The following UNC13D variants were observed in gnomAD, a reference collection of about 807,000 sequenced individuals.
The protein encoded by UNC13D is unc-13 homolog D, also known as protein unc-13 homolog D.
A neutral mutation model predicts 151.7 loss-of-function variants in UNC13D; 115 were observed. That is an observed-to-expected ratio of 0.76 (90% confidence interval 0.65 to 0.88). The LOEUF (loss-of-function observed/expected upper bound fraction) is 0.88. Among genes scored for constraint, UNC13D ranks in the 40% least tolerant of loss-of-function variants. The probability of loss-of-function intolerance (pLI) is 0.00; values close to 1 mark genes in which losing one functional copy is unlikely to be tolerated. For missense variants in UNC13D, 1,369 were observed against 1,438.7 expected, an observed-to-expected ratio of 0.95 and a Z score of 0.78; for synonymous variants, 588 against 612.2, an observed-to-expected ratio of 0.96 and a Z score of 0.58.
Position 75,844,361 on chromosome 17 carries a change from G to C in UNC13D, c.-24C>G, listed in dbSNP as rs958134924. 1.9e-6 allele frequency: 3 copies of C among 1,593,560 alleles called. No individual in the cohort carries two copies. The African/African-American group carries it at 4.0e-5, about 21-fold the overall frequency. On this transcript the variant is annotated 5_prime_UTR_variant, in exon 1 of 32. Transcript: ENST00000207549. Reference sequence around the variant, plus strand: ...ATGGTGGCCTTCTCTGCCCTTCCCTGTCCGCTGGTGCTGGGTGAAGACAGC... The same window carrying C: ...ATGGTGGCCTTCTCTGCCCTTCCCTCTCCGCTGGTGCTGGGTGAAGACAGC...
chr17:75,828,702 G>A (rs1439847145), intron 31 of UNC13D, 85 bp downstream of exon 31: 10 of 1,374,252 alleles, frequency 7.3e-6, no homozygotes, highest in African/African-American at 1.5e-5. Context: ...GCTGTTCTCC[G>A]ACCCTGGCAT....
chr17:75,841,022 G>A (rs2064944851), intron 6 of UNC13D, 21 bp from the exon 7 acceptor site: 5 of 1,613,994 alleles, frequency 3.1e-6, no homozygotes, highest in Non-Finnish European at 3.4e-6. Flanking sequence ...AAAAGGGCGT[G>A]GTTGAGGGCC....
Position 75,831,146 on chromosome 17 carries a change from A to G in UNC13D, c.2577T>C (p.Ala859=). 6.2e-7 allele frequency: 1 copy of G among 1,614,054 alleles called. No homozygotes were observed. Among genetic ancestry groups the G allele is most frequent in the Non-Finnish European group, 8.5e-7 (1 of 1,180,034 alleles). The stretch of plus-strand genomic sequence containing the variant: ...CCTTGGGTGGCAGGCCACAGCCCTC[A>G]GCGTGGAAGCAGATCTCCAGGTTCT... The part of the protein sequence containing the change: ...ALQNLEICFH[A]EGCGLPPKAL... Residue 859 remains alanine, a synonymous_variant, in exon 27 of 32, where the codon GCT becomes GCC. Coordinates refer to ENST00000207549, the MANE Select transcript of UNC13D (RefSeq NM_199242.3).
rs745420063 is a variant in UNC13D at position 75,840,618 on chromosome 17, C to A, written c.684-42G>T. On this transcript the variant is annotated intron_variant, in intron 8 of 31. Transcript: ENST00000207549. The surrounding 1 kb of genome is among the most constrained non-coding windows in gnomAD (Gnocchi z 4.6). ...CCCATAAGGGGGACGCAGCAAGGGTCGGAAGGGATTAGGCTGGAATCCACC... is the reference window on the plus strand; with the variant it reads ...CCCATAAGGGGGACGCAGCAAGGGTAGGAAGGGATTAGGCTGGAATCCACC... The A allele has an allele frequency of 2.5e-6, 4 of 1,613,574 alleles. No individual in the cohort carries two copies. Among genetic ancestry groups the A allele is most frequent in the Admixed American group, 1.7e-5 (1 of 60,010 alleles).
Position 75,831,023 on chromosome 17 carries a change from G to A in UNC13D, c.2625+75C>T, listed in dbSNP as rs991100899. 2.2e-5 allele frequency: 34 copies of A among 1,551,080 alleles called. No homozygotes were observed. The Middle Eastern group carries it at 1.2e-3, about 56-fold the overall frequency. On this transcript the variant is annotated intron_variant, in intron 27 of 31. Coordinates refer to ENST00000207549, the MANE Select transcript of UNC13D (RefSeq NM_199242.3). Reference sequence around the variant, plus strand: ...ACTGGGCCCCATAAATTATGTAGCCGACCCTGGACATAGGTGAGTGCCAAA... The same window carrying A: ...ACTGGGCCCCATAAATTATGTAGCCAACCCTGGACATAGGTGAGTGCCAAA...
In UNC13D at chr17:75,842,887, C is replaced by T; in HGVS notation, c.358G>A (p.Ala120Thr). 2 of 1,613,656 alleles carry T rather than the reference C, an allele frequency of 1.2e-6. No individual in the cohort carries two copies. The highest frequency in any genetic ancestry group is 8.5e-7 in the Non-Finnish European group (1 of 1,179,994). Residue 120 changes from alanine to threonine, a missense_variant, in exon 5 of 32, where the codon GCC (alanine) becomes ACC (threonine). Physicochemically the swap from Ala to Thr is moderately conservative, Grantham distance 58. This residue lies in a region of UNC13D where 550 missense variants were observed against 609.0 expected (regional missense o/e 0.90). Transcript: ENST00000207549. ...ACATCTTTGCCCAGAATGCCCTTGG[C>T]CTGTTTCACTGTTGCCTTCAGACAA... ...IFCLKATVKQ[A>T]KGILGKDVSG...
At chr17:75,831,377 C>T in intron 25 of UNC13D, 29 bp from the exon 26 acceptor site, 1 of 1,593,696 alleles carries the variant, frequency 6.3e-7, no homozygotes, top group South Asian at 1.1e-5. Context: ...GATGCGGACA[C>T]AGCACGGCAG....
intron 1 of UNC13D, chr17:75,843,757 C>T: frequency 3.5e-6 from 5 of 1,420,656 alleles, no homozygotes; most frequent in Non-Finnish European, 4.6e-6. Context: ...CGCACCCGCA[C>T]CCCACCTCCC....
Position 75,842,447 on chromosome 17 carries a change from G to A in UNC13D, c.555C>T (p.Asp185=), listed in dbSNP as rs756118878. The change falls in exon 6 of 32, where the codon GAC becomes GAT. Residue 185 remains aspartate, a synonymous_variant. Coordinates refer to ENST00000207549, the MANE Select transcript of UNC13D (RefSeq NM_199242.3). ...CGGCCACGTACAGGATGAAGGTCTCGTCCCAGACGGGGTTGAGTGTCTGGG... is the reference window on the plus strand; with the variant it reads ...CGGCCACGTACAGGATGAAGGTCTCATCCCAGACGGGGTTGAGTGTCTGGG... ...VITQTLNPVW[D]ETFILEFEDI... 2.8e-5 allele frequency: 45 copies of A among 1,612,484 alleles called. No individual in the cohort carries two copies. Among genetic ancestry groups the A allele is most frequent in the East Asian group, 6.7e-5 (3 of 44,864 alleles).
In UNC13D at chr17:75,830,366, G is replaced by T; in HGVS notation, c.2826C>A (p.Ser942=). The change falls in exon 29 of 32, where the codon TCC becomes TCA. Residue 942 remains serine (S), a synonymous_variant. Transcript: ENST00000207549. The part of the protein sequence containing the change: ...LSASSLLPLD[S]NGSSDPFVQL... ...CCAAAGGCAGCCTCCACTCACCATT[G>T]GAGTCCAGGGGCAGCAGGCTGGAGG... 2 of 1,592,976 alleles carry T rather than the reference G, an allele frequency of 1.3e-6. No homozygotes were observed. The highest frequency in any genetic ancestry group is 2.3e-5 in the South Asian group (2 of 87,732).
At chr17:75,839,779 G>A in intron 12 of UNC13D, 60 bp downstream of exon 12, 1 of 1,553,140 alleles carries the variant, frequency 6.4e-7, no homozygotes, top group Admixed American at 1.7e-5. Context: ...CGGCTTGGAG[G>A]AGGGCAGGGG....
chr17:75,827,322 C>T lies in UNC13D; in HGVS notation c.*643G>A. The T allele has an allele frequency of 3.5e-6, 3 of 863,862 alleles. No homozygotes were observed. Among genetic ancestry groups the T allele is most frequent in the Non-Finnish European group, 4.9e-6 (3 of 615,812 alleles). 53.5% of individuals were successfully genotyped at this position (863,862 alleles called of 1,614,324 possible). ...GGGGAGGGGGCGTGCGCAGCAGACA[C>T]AGCAGCCAAACTGTCCTTTCTGCTT... On this transcript the variant is annotated 3_prime_UTR_variant, in exon 32 of 32. Coordinates refer to ENST00000207549, the MANE Select transcript of UNC13D (RefSeq NM_199242.3).
rs549002547 is a variant in UNC13D at position 75,829,562 on chromosome 17, A to G, written c.2954+466T>C. ...CCCGCCTTGGCCTCCCAAAGTGCTG[A>G]GATTACAGGCATGAGCCACCACGCC... is the stretch of plus-strand genomic sequence containing the variant. On this transcript the variant is annotated intron_variant, in intron 30 of 31. Transcript: ENST00000207549. 5.2e-4 allele frequency: 86 copies of G among 165,702 alleles called. 1 individual carries two copies. The highest frequency in any genetic ancestry group is 4.3e-3 in the East Asian group (25 of 5,856). 10.3% of individuals were successfully genotyped at this position (165,702 alleles called of 1,614,324 possible).
At position 75,828,007 on chromosome 17, in the gene UNC13D, C is replaced by T. The variant is rs766458234; in HGVS notation, c.3231G>A (p.Arg1077=). Reference sequence around the variant, plus strand: ...AGGCATGCTGGGAGGCCTGCTTGGCCCGGTGCCGCCGCAGCCTCACAAAGA... The same window carrying T: ...AGGCATGCTGGGAGGCCTGCTTGGCTCGGTGCCGCCGCAGCCTCACAAAGA... The part of the protein sequence containing the change: ...AQVFVRLRRH[R]AKQASQHALR... The change falls in exon 32 of 32, where the codon CGG becomes CGA. Residue 1077 remains arginine (R), a synonymous_variant. Transcript: ENST00000207549. The T allele has an allele frequency of 6.3e-7, 1 of 1,596,804 alleles. No homozygotes were observed. Among genetic ancestry groups the T allele is most frequent in the South Asian group, 1.1e-5 (1 of 88,702 alleles).
At chr17:75,839,693 T>G (rs1381346666) in intron 12 of UNC13D, 146 bp downstream of exon 12, 2 of 873,066 alleles carry the variant, frequency 2.3e-6, no homozygotes, top group Non-Finnish European at 3.7e-6. Context: ...CTTTTTAAAA[T>G]TGGCAACTGA....
In UNC13D at chr17:75,830,021, C is replaced by T. The variant is rs1182241695; in HGVS notation, c.2954+7G>A. 1.9e-6 allele frequency: 3 copies of T among 1,575,108 alleles called. No individual in the cohort carries two copies. Among genetic ancestry groups the T allele is most frequent in the South Asian group, 2.3e-5 (2 of 85,588 alleles). On this transcript the variant is annotated splice_region_variant and intron_variant, in intron 30 of 31. Coordinates refer to ENST00000207549, the MANE Select transcript of UNC13D (RefSeq NM_199242.3). ...GAGGGACTGGGAGAAGAACGGGACC[C>T]ACTCACAATTCAAAGGTCTCATCAA...
rs758781229 is a variant in UNC13D, at chr17:75,828,796, C to T, written c.3142G>A (p.Ala1048Thr). ...PQTRLPLTYP[A>T]PNGDPILQLL... ...CTGGGCTCAGGCCTACCGTTGGGTG[C>T]GGGGTACGTGAGGGGCAGGCGGGTC... The change falls in exon 31 of 32, where the codon GCA (alanine) becomes ACA (threonine). Residue 1048 changes from alanine (A) to threonine (T), a missense_variant. Transcript: ENST00000207549. 4.5e-5 allele frequency: 70 copies of T among 1,544,820 alleles called. No individual in the cohort carries two copies. In the Middle Eastern group the frequency reaches 8.2e-4, roughly 18 times the overall value.
At position 75,833,212 on chromosome 17, in the gene UNC13D, C is replaced by T. The variant is rs535183530; in HGVS notation, c.2368-167G>A. ...GCCCACCTCTCTGCCTTCCCCTCTCCGTTGCTCAGCCTGTCCCAGCCACAC... is the reference window on the plus strand; with the variant it reads ...GCCCACCTCTCTGCCTTCCCCTCTCTGTTGCTCAGCCTGTCCCAGCCACAC... On this transcript the variant is annotated intron_variant, in intron 24 of 31. Transcript: ENST00000207549. This position sits in a 1 kb window ranked among gnomAD's most constrained non-coding sequence, Gnocchi z 4.0. 1.6e-5 allele frequency: 10 copies of T among 628,304 alleles called. No homozygotes were observed. The highest frequency in any genetic ancestry group is 1.1e-4 in the African/African-American group (6 of 55,244). 38.9% of individuals were successfully genotyped at this position (628,304 alleles called of 1,614,324 possible).
Position 75,842,995 on chromosome 17 carries a change from G to C in UNC13D, c.321+19C>G, listed in dbSNP as rs1471431976. Reference sequence around the variant, plus strand: ...TCCCAGGCCCCTCCTTGCCCAGGGGGACCCTGGCCCCAGGTTACCTCAAGC... The same window carrying C: ...TCCCAGGCCCCTCCTTGCCCAGGGGCACCCTGGCCCCAGGTTACCTCAAGC... On this transcript the variant is annotated intron_variant, in intron 4 of 31. Coordinates refer to ENST00000207549, the MANE Select transcript of UNC13D (RefSeq NM_199242.3). 2 of 1,612,786 alleles carry C rather than the reference G, an allele frequency of 1.2e-6. No homozygotes were observed. Among genetic ancestry groups the C allele is most frequent in the South Asian group, 2.2e-5 (2 of 91,084 alleles).
Sources: allele counts gnomAD v4.1 joint callset, GRCh38; gene constraint gnomAD v4.1.1; regional missense constraint gnomAD v4.1.1; non-coding constraint Gnocchi (gnomAD v3.1); transcripts MANE v1.5; gene names NCBI Gene and HGNC (gene_info 2026-07-23, HGNC 2026-07-21).